Variants in RABGEF1 observed in about 807,000 individuals in gnomAD.
RABGEF1 encodes the protein rab5 GDP/GTP exchange factor.
In RABGEF1, 26 loss-of-function variants were observed where a neutral mutation model predicts 57.3. The observed-to-expected ratio is 0.45, with a 90% CI of 0.33 to 0.63. The LOEUF (loss-of-function observed/expected upper bound fraction) is 0.63, where lower values mean the gene tolerates loss of function less well. RABGEF1 is among the 20% of genes least tolerant of loss of function. The probability of loss-of-function intolerance (pLI) is 0.02; values close to 1 mark genes in which losing one functional copy is unlikely to be tolerated. For missense variants in RABGEF1, 464 were observed against 607.6 expected, an observed-to-expected ratio of 0.76 and a Z score of 2.48; for synonymous variants, 185 against 210.7, an observed-to-expected ratio of 0.88 and a Z score of 1.06.
At chr7:66,739,350 A>G (rs1798452169), upstream of RABGEF1, among the ~76,000 whole-genome samples, 1 of 151,720 alleles carries the variant, frequency 6.6e-6, no homozygotes, top group South Asian at 2.1e-4. Flanking sequence ...TTTACCAATA[A>G]TGAATAAAGA....
chr7:66,702,708 A>G (rs1793476759), intron 1 of RABGEF1, among the ~76,000 whole-genome samples: 1 of 152,118 alleles, frequency 6.6e-6, no homozygotes, highest in African/African-American at 2.4e-5. Flanking sequence ...GTTTTCACTT[A>G]CATTTCACTA....
rs1455883086 is a variant in RABGEF1, at chr7:66,716,488, C to T, written c.-815+4264C>T. ...TGGCGGCATGTGCCTGTAGTCCTAGCTACTCAGGAGGCTGAGGCATGAGGA... is the reference window on the plus strand; with the variant it reads ...TGGCGGCATGTGCCTGTAGTCCTAGTTACTCAGGAGGCTGAGGCATGAGGA... On this transcript the variant is annotated intron_variant and NMD_transcript_variant, in intron 2 of 9. Transcript: ENST00000607882. Among the ~76,000 whole-genome samples the T allele has an allele frequency of 2.6e-5, 4 of 152,112 alleles. No individual in the cohort carries two copies. The East Asian group carries it at 5.8e-4, about 22-fold the overall frequency.
At chr7:66,710,317 A>G (rs771188932) in intron 1 of RABGEF1, among the ~76,000 whole-genome samples, 2 of 152,202 alleles carry the variant, frequency 1.3e-5, no homozygotes, top group African/African-American at 4.8e-5. Flanking sequence ...TTTAGCGTTT[A>G]GCTTTTACCA....
At chr7:66,685,756 A>G (rs1790528206) in intron 1 of RABGEF1, among the ~76,000 whole-genome samples, 1 of 152,242 alleles carries the variant, frequency 6.6e-6, no homozygotes, top group Non-Finnish European at 1.5e-5. Flanking sequence ...ATGTCTACAT[A>G]TACAACTAAG....
intron 1 of RABGEF1, among the ~76,000 whole-genome samples, chr7:66,752,921 C>T (rs1243827924): frequency 6.6e-6 from 1 of 152,222 alleles, no homozygotes; most frequent in Non-Finnish European, 1.5e-5. Context: ...GGTACTTTGC[C>T]AGTCTTCTGA....
At chr7:66,654,849 A>G in the RABGEF1 span, among the ~76,000 whole-genome samples, 1 of 152,196 alleles carries the variant, frequency 6.6e-6, no homozygotes, top group Non-Finnish European at 1.5e-5. Context: ...TAATCCTCAC[A>G]GTGCGCGGCT....
chr7:66,718,763 C>T (rs539331616), intron 2 of RABGEF1, among the ~76,000 whole-genome samples: 1 of 152,324 alleles, frequency 6.6e-6, no homozygotes, highest in East Asian at 1.9e-4. Context: ...AAAGCCTGTG[C>T]TGTTTAGGAT....
At chr7:66,666,903 A>G in the RABGEF1 span, among the ~76,000 whole-genome samples, 1 of 152,194 alleles carries the variant, frequency 6.6e-6, no homozygotes, top group African/African-American at 2.4e-5. Flanking sequence ...TTGGGCAGAC[A>G]CAGCCTCTCC....
intron 2 of RABGEF1, among the ~76,000 whole-genome samples, chr7:66,715,614 T>A (rs904102728): frequency 6.6e-6 from 1 of 152,236 alleles, no homozygotes; most frequent in African/African-American, 2.4e-5. Context: ...CATTTGAATA[T>A]TTTTTAGTGT....
At chr7:66,724,760 C>T (rs1194370564) in intron 2 of RABGEF1, among the ~76,000 whole-genome samples, 8 of 152,192 alleles carry the variant, frequency 5.3e-5, no homozygotes, top group East Asian at 1.9e-4. Flanking sequence ...GCAATTATTT[C>T]TTCTGCCTCT....
intron 1 of RABGEF1, among the ~76,000 whole-genome samples, chr7:66,684,442 C>CAAACAAAACAAAACAAAACA (rs540424952): frequency 6.6e-6 from 1 of 152,006 alleles, no homozygotes; most frequent in Admixed American, 6.6e-5. Context: ...GACTTCGTCT[C>CAAACAAAACAAAACAAAACA]AAACAAAACA....
At chr7:66,799,531 A>G (rs1786804238) in intron 7 of RABGEF1, 117 bp downstream of exon 7, 1 of 787,202 alleles carries the variant, frequency 1.3e-6, no homozygotes, top group Non-Finnish European at 2.0e-6. Flanking sequence ...ATTGGAATGT[A>G]GTAAAAGTGA....
At chr7:66,764,199 C>T (rs1257399893) in intron 1 of RABGEF1, among the ~76,000 whole-genome samples, 1 of 152,072 alleles carries the variant, frequency 6.6e-6, no homozygotes, top group Non-Finnish European at 1.5e-5. Context: ...ATTGTGGTTT[C>T]GTTTTGCACT....
upstream of RABGEF1, among the ~76,000 whole-genome samples, chr7:66,677,867 A>C (rs1789395950): frequency 6.6e-6 from 1 of 151,468 alleles, no homozygotes; most frequent in Non-Finnish European, 1.5e-5. Flanking sequence ...GGAGTTTGAG[A>C]CCAGCCTGGC....
At chr7:66,688,970 G>A (rs1340230850) in intron 1 of RABGEF1, among the ~76,000 whole-genome samples, 4 of 152,134 alleles carry the variant, frequency 2.6e-5, no homozygotes, top group African/African-American at 9.7e-5. Context: ...GTGCAGGCCT[G>A]TAATCCCAGC....
At chr7:66,724,002 C>T (rs1796329141) in intron 2 of RABGEF1, among the ~76,000 whole-genome samples, 1 of 151,810 alleles carries the variant, frequency 6.6e-6, no homozygotes, top group Admixed American at 6.6e-5. Context: ...TTCCTTTAGC[C>T]TGAAATTTTA....
At chr7:66,717,954 T>C (rs1795591000) in intron 2 of RABGEF1, among the ~76,000 whole-genome samples, 1 of 152,222 alleles carries the variant, frequency 6.6e-6, no homozygotes, top group African/African-American at 2.4e-5. Flanking sequence ...AGTAATTGTA[T>C]ATTATCAGTT....
At chr7:66,779,269 C>T (rs1297066814) in intron 3 of RABGEF1, among the ~76,000 whole-genome samples, 8 of 151,986 alleles carry the variant, frequency 5.3e-5, no homozygotes, top group East Asian at 1.9e-4. Flanking sequence ...TTTGGGAGGC[C>T]GAGGCAGGTG....
chr7:66,737,274 T>C (rs1396731014), upstream of RABGEF1, among the ~76,000 whole-genome samples: 1 of 152,118 alleles, frequency 6.6e-6, no homozygotes, highest in Non-Finnish European at 1.5e-5. Context: ...AGGGTCTTGC[T>C]CTATTGCCCA....
Sources: allele counts gnomAD v4.1 joint callset (sites outside exome capture counted in the v4.1 genomes callset), GRCh38; gene constraint gnomAD v4.1.1; transcripts MANE v1.5; gene names NCBI Gene and HGNC (gene_info 2026-07-23, HGNC 2026-07-21).